Variants in ARHGAP10 observed in about 807,000 individuals in gnomAD.
ARHGAP10 encodes rho GTPase-activating protein 10.
A neutral mutation model predicts 108.6 loss-of-function variants in ARHGAP10; 87 were observed. That is an observed-to-expected ratio of 0.80 (90% CI 0.67 to 0.96). The LOEUF is 0.96. Among genes scored for constraint, ARHGAP10 ranks in the 40% least tolerant of loss-of-function variants. The probability of loss-of-function intolerance (pLI) is 0.00; values close to 1 mark genes in which losing one functional copy is unlikely to be tolerated. For synonymous variants in ARHGAP10, 347 were observed against 341.1 expected (o/e 1.02, Z -0.19); for missense variants, 939 against 954.5 (o/e 0.98, Z 0.21).
chr4:148,040,949 C>T (rs1728610058), intron 19 of ARHGAP10, among the ~76,000 whole-genome samples: 1 of 152,058 alleles, frequency 6.6e-6, no homozygotes, highest in Non-Finnish European at 1.5e-5. Context: ...TTGTTCTCAG[C>T]AAAACTTTCT....
Position 147,912,977 on chromosome 4 carries a change from A to G in ARHGAP10, c.1163-97A>G, listed in dbSNP as rs1374831235. 15 of 1,223,724 alleles carry G rather than the reference A, an allele frequency of 1.2e-5. No individual in the cohort carries two copies. The Admixed American group carries it at 2.3e-4, about 19-fold the overall frequency. 75.8% of individuals were successfully genotyped at this position (1,223,724 alleles called of 1,614,324 possible). Reference sequence around the variant, plus strand: ...TTAGCTTTTTAATAGTAATCTAAAAATTAGTTTGGATTTAAATAATTTTTC... The same window carrying G: ...TTAGCTTTTTAATAGTAATCTAAAAGTTAGTTTGGATTTAAATAATTTTTC... On this transcript the variant is annotated intron_variant, in intron 12 of 22. Transcript: ENST00000336498.
At chr4:148,034,581 G>A (rs570505499) in intron 19 of ARHGAP10, among the ~76,000 whole-genome samples, 3 of 151,588 alleles carry the variant, frequency 2.0e-5, no homozygotes, top group East Asian at 1.9e-4. Flanking sequence ...CACACACTTC[G>A]GCCTCCCAGA....
At chr4:147,733,917 T>C (rs538009115) in intron 1 of ARHGAP10, among the ~76,000 whole-genome samples, 2 of 152,160 alleles carry the variant, frequency 1.3e-5, no homozygotes, top group African/African-American at 4.8e-5. Flanking sequence ...GAATCAGAAA[T>C]GGGACTCTGG....
chr4:147,872,920 G>A (rs1392027843), intron 7 of ARHGAP10, among the ~76,000 whole-genome samples: 1 of 152,130 alleles, frequency 6.6e-6, no homozygotes, highest in Non-Finnish European at 1.5e-5. Context: ...GCTTCCTAAG[G>A]CTGTCTGCTG....
intron 7 of ARHGAP10, among the ~76,000 whole-genome samples, chr4:147,872,447 TAAA>T (rs1734866561): frequency 6.6e-6 from 1 of 152,156 alleles, no homozygotes; most frequent in Non-Finnish European, 1.5e-5. Context: ...TATAGGTAGA[TAAA>T]GAAGTAGTGA....
chr4:148,004,566 A>G (rs1313317210), intron 18 of ARHGAP10, among the ~76,000 whole-genome samples: 1 of 152,210 alleles, frequency 6.6e-6, no homozygotes, highest in Non-Finnish European at 1.5e-5. Flanking sequence ...GAAGTAATCA[A>G]CCACGTGAAC....
At chr4:147,969,582 G>GGTCT (rs1229976671) in intron 18 of ARHGAP10, among the ~76,000 whole-genome samples, 2 of 152,056 alleles carry the variant, frequency 1.3e-5, no homozygotes, top group Non-Finnish European at 2.9e-5. Context: ...ACTGGCTCTG[G>GGTCT]GTCTTGCTCT....
chr4:147,979,183 A>G (rs1387343949), intron 18 of ARHGAP10, among the ~76,000 whole-genome samples: 2 of 152,180 alleles, frequency 1.3e-5, no homozygotes, highest in Non-Finnish European at 2.9e-5. Flanking sequence ...TTAGAGTTTG[A>G]AGTCTTACAT....
At chr4:147,928,271 T>G (rs1737539568) in intron 13 of ARHGAP10, among the ~76,000 whole-genome samples, 2 of 152,170 alleles carry the variant, frequency 1.3e-5, no homozygotes, top group Admixed American at 6.5e-5. Flanking sequence ...GCTTTGCACT[T>G]TTTAAAATAT....
In ARHGAP10 at chr4:147,908,757, C is replaced by A. The variant is rs185247525; in HGVS notation, c.1117-975C>A. Reference sequence around the variant, plus strand: ...CTTAATGGTTAGAATACAGCAGTTTCCTTATCACTCCATAGCTGTACGGCT... The same window carrying A: ...CTTAATGGTTAGAATACAGCAGTTTACTTATCACTCCATAGCTGTACGGCT... On this transcript the variant is annotated intron_variant, in intron 11 of 22. Coordinates refer to ENST00000336498, the MANE Select transcript of ARHGAP10 (RefSeq NM_024605.4). 1.3e-3 allele frequency among the ~76,000 whole-genome samples: 193 copies of A among 152,280 alleles called. 1 individual carries two copies. Among genetic ancestry groups the A allele is most frequent in the African/African-American group, 4.6e-3 (190 of 41,562 alleles).
chr4:147,930,261 TTA>T (rs1272529057), intron 13 of ARHGAP10, among the ~76,000 whole-genome samples: 1 of 152,240 alleles, frequency 6.6e-6, no homozygotes, highest in African/African-American at 2.4e-5. Flanking sequence ...TCAAAGGTGT[TTA>T]TCTTTCACTT....
At chr4:147,992,927 A>G (rs1313795995) in intron 18 of ARHGAP10, among the ~76,000 whole-genome samples, 1 of 152,230 alleles carries the variant, frequency 6.6e-6, no homozygotes, top group Non-Finnish European at 1.5e-5. Context: ...AATGAAGAAG[A>G]AAGTAAGAAA....
In ARHGAP10 at chr4:147,760,234, C is replaced by A. The variant is rs1373843576; in HGVS notation, c.154+27779C>A. On this transcript the variant is annotated intron_variant, in intron 1 of 22. Coordinates refer to ENST00000336498, the MANE Select transcript of ARHGAP10 (RefSeq NM_024605.4). ...GACATTTGTGGAGGCTGACCATTTACAAAAAGCTTAGGTTTACACACTCAG... is the reference window on the plus strand; with the variant it reads ...GACATTTGTGGAGGCTGACCATTTAAAAAAAGCTTAGGTTTACACACTCAG... 2.6e-5 allele frequency among the ~76,000 whole-genome samples: 4 copies of A among 152,282 alleles called. No individual in the cohort carries two copies. The East Asian group carries it at 7.7e-4, about 29-fold the overall frequency.
chr4:148,022,530 C>G (rs753057545), intron 18 of ARHGAP10, among the ~76,000 whole-genome samples: 1 of 152,178 alleles, frequency 6.6e-6, no homozygotes, highest in Non-Finnish European at 1.5e-5. Context: ...TCAGTCACCT[C>G]TGTGTGATAT....
intron 18 of ARHGAP10, among the ~76,000 whole-genome samples, chr4:148,014,001 G>A (rs1028915375): frequency 3.9e-5 from 6 of 152,062 alleles, no homozygotes; most frequent in African/African-American, 1.2e-4. Flanking sequence ...TTTAAGGGAA[G>A]GCTTGAGGCT....
At chr4:147,927,615 A>G (rs1737512713) in intron 13 of ARHGAP10, among the ~76,000 whole-genome samples, 1 of 152,196 alleles carries the variant, frequency 6.6e-6, no homozygotes, top group Admixed American at 6.5e-5. Flanking sequence ...TAAACCTGTC[A>G]CAGGTCACAC....
chr4:148,001,241 T>C (rs748173378), intron 18 of ARHGAP10, among the ~76,000 whole-genome samples: 16 of 152,206 alleles, frequency 1.1e-4, no homozygotes, highest in Non-Finnish European at 1.8e-4. Flanking sequence ...GTGGTATTAT[T>C]TCTGAGGGCT....
intron 8 of ARHGAP10, among the ~76,000 whole-genome samples, chr4:147,877,322 A>G (rs10026985): frequency 0.14 from 20,915 of 152,060 alleles, 1,934 homozygotes; most frequent in East Asian, 0.26. Flanking sequence ...ACACAAAGCA[A>G]TGTTTCCCAA....
At chr4:147,743,020 ATAGT>A (rs1462160760) in intron 1 of ARHGAP10, among the ~76,000 whole-genome samples, 1 of 149,320 alleles carries the variant, frequency 6.7e-6, no homozygotes, top group East Asian at 2.0e-4. Flanking sequence ...ATACTGATCG[ATAGT>A]TTTTTTTTTT....
Sources: allele counts gnomAD v4.1 joint callset (sites outside exome capture counted in the v4.1 genomes callset), GRCh38; gene constraint gnomAD v4.1.1; transcripts MANE v1.5; gene names NCBI Gene and HGNC (gene_info 2026-07-23, HGNC 2026-07-21).